Variants in AHCY observed in about 807,000 individuals in gnomAD.
The protein encoded by AHCY is S-adenosyl-L-homocysteine hydrolase.
In AHCY, 24 loss-of-function variants were observed where a neutral mutation model predicts 45.4. That is an observed-to-expected ratio of 0.53 (90% CI 0.38 to 0.74). The LOEUF (loss-of-function observed/expected upper bound fraction) is 0.74, where lower values mean the gene tolerates loss of function less well. Among genes scored for constraint, AHCY ranks in the 30% least tolerant of loss-of-function variants. The pLI, the probability that AHCY is intolerant of heterozygous loss-of-function variation, is 0.00. For synonymous variants in AHCY, 245 were observed against 235.1 expected (o/e 1.04, Z -0.39); for missense variants, 449 against 594.1 (o/e 0.76, Z 2.54).
intron 9 of AHCY, among the ~76,000 whole-genome samples, chr20:34,283,256 G>GAC (rs1336371777): frequency 6.6e-6 from 1 of 152,168 alleles, no homozygotes; most frequent in Non-Finnish European, 1.5e-5. Context: ...TGGACAGACA[G>GAC]AGCTAGGTTC....
chr20:34,280,803 T>C lies in AHCY; in HGVS notation c.*231A>G, dbSNP rs2035973849. 1 of 595,416 alleles carries C rather than the reference T, an allele frequency of 1.7e-6. No individual in the cohort carries two copies. The highest frequency in any genetic ancestry group is 2.9e-5 in the Admixed American group (1 of 34,920). The allele number at this position is 595,416 out of a possible 1,614,324, so 36.9% of individuals were successfully genotyped here. ...AGACCACTGAGCTCATGGTTCCCTG[T>C]GGCTGGGACCTCCATCATGACCGGG... is the stretch of plus-strand genomic sequence containing the variant. On this transcript the variant is annotated 3_prime_UTR_variant, in exon 10 of 10. Coordinates refer to ENST00000217426, the MANE Select transcript of AHCY (RefSeq NM_000687.4).
chr20:34,300,004 G>T (rs1210408340), intron 1 of AHCY, among the ~76,000 whole-genome samples: 1 of 152,166 alleles, frequency 6.6e-6, no homozygotes, highest in Non-Finnish European at 1.5e-5. Flanking sequence ...GGCCAACATG[G>T]TGAAATCCCA....
At chr20:34,268,290 G>GGTTCCTGCAGCAGGAACTCACCTGCTGC in the AHCY span, among the ~76,000 whole-genome samples, 1 of 152,132 alleles carries the variant, frequency 6.6e-6, no homozygotes, top group Non-Finnish European at 1.5e-5. Flanking sequence ...GCTCCTGCTG[G>GGTTCCTGCAGCAGGAACTCACCTGCTGC]GTTCCTGCAG....
chr20:34,300,821 AG>A (rs1215127617), intron 1 of AHCY, among the ~76,000 whole-genome samples: 2 of 152,200 alleles, frequency 1.3e-5, no homozygotes, highest in Non-Finnish European at 2.9e-5. Context: ...GAGACCTGCA[AG>A]GAGAGAGACC....
the AHCY span, among the ~76,000 whole-genome samples, chr20:34,237,131 T>C: frequency 6.6e-6 from 1 of 152,206 alleles, no homozygotes; most frequent in African/African-American, 2.4e-5. Context: ...TTGATTACTG[T>C]GGCTTTGTAG....
the AHCY span, among the ~76,000 whole-genome samples, chr20:34,259,633 C>T: frequency 2.0e-5 from 3 of 151,952 alleles, no homozygotes; most frequent in African/African-American, 7.3e-5. Flanking sequence ...GTAGCCCTAG[C>T]TACTGGGGCA....
At chr20:34,236,029 AAAGAG>A in the AHCY span, among the ~76,000 whole-genome samples, 4 of 142,804 alleles carry the variant, frequency 2.8e-5, no homozygotes, top group African/African-American at 1.1e-4. Context: ...AGAGAAGAAG[AAAGAG>A]AAAGAAACAG....
chr20:34,254,906 C>A, the AHCY span, among the ~76,000 whole-genome samples: 1 of 152,154 alleles, frequency 6.6e-6, no homozygotes, highest in Non-Finnish European at 1.5e-5. Context: ...TGAGACTTTA[C>A]CAATCCAAGA....
the AHCY span, among the ~76,000 whole-genome samples, chr20:34,265,793 T>TA: frequency 3.7e-3 from 565 of 151,544 alleles, 6 homozygotes; most frequent in East Asian, 0.032. Context: ...CTACTAAAAA[T>TA]ACAAAAATTA....
chr20:34,255,812 A>G, the AHCY span, among the ~76,000 whole-genome samples: 1 of 152,142 alleles, frequency 6.6e-6, no homozygotes, highest in Non-Finnish European at 1.5e-5. Context: ...GAAGGCACCC[A>G]TTACCTAGTG....
chr20:34,268,666 CGA>C, the AHCY span, among the ~76,000 whole-genome samples: 1 of 151,554 alleles, frequency 6.6e-6, no homozygotes, highest in Non-Finnish European at 1.5e-5. Flanking sequence ...AGCCCGAGAT[CGA>C]GATTGCAGTG....
intron 1 of AHCY, among the ~76,000 whole-genome samples, chr20:34,308,862 C>G (rs1243402333): frequency 6.6e-6 from 1 of 151,832 alleles, no homozygotes; most frequent in African/African-American, 2.4e-5. Context: ...CCATGTTGGT[C>G]AGGCTGGTCT....
chr20:34,308,955 AT>A lies in AHCY; in HGVS notation c.-57+2516del, dbSNP rs769193254. ...AGGCGTGAGCCACTGCGCCTGGCCAATTTTTTTTTTTTTTTTTTTTTTGAGA... is the reference window on the plus strand; with the variant it reads ...AGGCGTGAGCCACTGCGCCTGGCCAATTTTTTTTTTTTTTTTTTTTTGAGA... On this transcript the variant is annotated intron_variant, in intron 1 of 9. Transcript: ENST00000538132. 9.9e-3 allele frequency among the ~76,000 whole-genome samples: 889 copies of A among 89,568 alleles called. 4 individuals are homozygous for A. The highest frequency in any genetic ancestry group is 0.021 in the African/African-American group (448 of 21,406). The allele number at this position is 89,568 out of a possible 152,430, so 58.8% of individuals were successfully genotyped here. A position where few individuals can be genotyped will look rare whatever the true frequency, so the allele number is the denominator to read the frequency against.
At chr20:34,245,487 C>A in the AHCY span, among the ~76,000 whole-genome samples, 1 of 151,170 alleles carries the variant, frequency 6.6e-6, no homozygotes, top group Non-Finnish European at 1.5e-5. Context: ...TCCCAGGTTC[C>A]AGCGATTCTC....
chr20:34,269,538 G>A, the AHCY span, among the ~76,000 whole-genome samples: 1 of 152,012 alleles, frequency 6.6e-6, no homozygotes, highest in Non-Finnish European at 1.5e-5. Flanking sequence ...GAACACCCGA[G>A]GCTGCCTCCA....
chr20:34,286,663 G>GTC (rs1317691494), intron 8 of AHCY, among the ~76,000 whole-genome samples: 2 of 151,740 alleles, frequency 1.3e-5, no homozygotes, highest in Non-Finnish European at 2.9e-5. Flanking sequence ...GAGAAACCCT[G>GTC]TCTCTACTAA....
At chr20:34,278,679 T>C (rs1229563569), downstream of AHCY, among the ~76,000 whole-genome samples, 7 of 152,118 alleles carry the variant, frequency 4.6e-5, no homozygotes, top group African/African-American at 1.7e-4. Context: ...CATACAAAAG[T>C]CAGCTCATGC....
intron 9 of AHCY, among the ~76,000 whole-genome samples, chr20:34,284,619 G>A (rs6058019): frequency 5.3e-5 from 8 of 152,114 alleles, no homozygotes; most frequent in Admixed American, 1.3e-4. Flanking sequence ...TCAGGAGTTC[G>A]AGACCAGTCT....
the AHCY span, chr20:34,269,313 C>A: frequency 1.9e-6 from 2 of 1,080,288 alleles, no homozygotes; most frequent in Non-Finnish European, 2.5e-6. Flanking sequence ...CTGGCTTGGG[C>A]TAAAATCGAA....
Sources: gnomAD v4.1 joint callset for allele counts (sites outside exome capture counted in the v4.1 genomes callset) on GRCh38, gnomAD v4.1.1 for gene constraint, MANE v1.5 for transcripts, NCBI Gene and HGNC (gene_info 2026-07-23, HGNC 2026-07-21) for gene names.